ADAM12: variants seen among roughly 807,000 people sequenced by gnomAD.
ADAM12 encodes ADAM metallopeptidase domain 12.
In ADAM12, 70 loss-of-function variants were observed where a neutral mutation model predicts 106.4. The observed-to-expected ratio is 0.66, with a 90% CI of 0.54 to 0.80. ADAM12 has a LOEUF of 0.80. Among genes scored for constraint, ADAM12 ranks in the 30% least tolerant of loss-of-function variants. The pLI, the probability that ADAM12 is intolerant of heterozygous loss-of-function variation, is 0.00. For synonymous variants in ADAM12, 420 were observed against 433.5 expected, an observed-to-expected ratio of 0.97 and a Z score of 0.39; for missense variants, 1,010 against 1,171.9, an observed-to-expected ratio of 0.86 and a Z score of 2.02.
In ADAM12 at chr10:126,243,859, T is replaced by A. The variant is rs540417624; in HGVS notation, c.260+35056A>T. ...TGATTGTCGTGGGATGGCACAGACA[T>A]TGACAACGGGGAATGTGAGGCTTAA... is the stretch of plus-strand genomic sequence containing the variant. On this transcript the variant is annotated intron_variant, in intron 3 of 22. Transcript: ENST00000448723. Among the ~76,000 whole-genome samples, 3 of 152,302 alleles carry A rather than the reference T, an allele frequency of 2.0e-5. No homozygotes were observed. The East Asian group carries it at 5.8e-4, about 29-fold the overall frequency.
At chr10:126,270,123 G>A (rs191352072) in intron 3 of ADAM12, among the ~76,000 whole-genome samples, 9 of 152,280 alleles carry the variant, frequency 5.9e-5, no homozygotes, top group Admixed American at 3.9e-4. Context: ...TTAGATTGCC[G>A]AAGTGCATGT....
chr10:126,375,639 A>G (rs1157402500), intron 1 of ADAM12, among the ~76,000 whole-genome samples: 8 of 151,868 alleles, frequency 5.3e-5, no homozygotes, highest in Admixed American at 5.2e-4. Context: ...TCCTACAACA[A>G]TAGAAGAAAG....
intron 11 of ADAM12, among the ~76,000 whole-genome samples, chr10:126,083,660 C>T (rs913506146): frequency 6.6e-6 from 1 of 152,204 alleles, no homozygotes; most frequent in Admixed American, 6.5e-5. Context: ...TGGGCCAGAT[C>T]GTGCACACCT....
At chr10:126,316,465 T>C (rs1427759954) in intron 2 of ADAM12, among the ~76,000 whole-genome samples, 2 of 152,124 alleles carry the variant, frequency 1.3e-5, no homozygotes, top group African/African-American at 2.4e-5. Flanking sequence ...TTTAGAGCCA[T>C]TCAACTCTAA....
At chr10:126,171,803 A>C (rs777786043) in intron 3 of ADAM12, among the ~76,000 whole-genome samples, 1 of 152,230 alleles carries the variant, frequency 6.6e-6, no homozygotes, top group Non-Finnish European at 1.5e-5. Flanking sequence ...CTTCCTGTAA[A>C]AGGACCCAGC....
intron 2 of ADAM12, among the ~76,000 whole-genome samples, chr10:126,320,298 A>G (rs1028597778): frequency 3.9e-5 from 6 of 152,212 alleles, no homozygotes; most frequent in Non-Finnish European, 7.3e-5. Context: ...GGAGTGTCTT[A>G]AATATATCCA....
intron 10 of ADAM12, among the ~76,000 whole-genome samples, chr10:126,094,751 T>A (rs3781033): frequency 0.17 from 25,646 of 152,072 alleles, 2,868 homozygotes; most frequent in African/African-American, 0.27. Context: ...ACCAGCTATA[T>A]CTTATTCTTG....
At chr10:126,231,586 GTC>G (rs1206137187) in intron 3 of ADAM12, among the ~76,000 whole-genome samples, 1 of 152,108 alleles carries the variant, frequency 6.6e-6, no homozygotes, top group Non-Finnish European at 1.5e-5. Flanking sequence ...CAGGACTCCT[GTC>G]TCTAATAGGG....
intron 1 of ADAM12, among the ~76,000 whole-genome samples, chr10:126,354,034 C>T (rs1382495985): frequency 2.8e-5 from 4 of 144,836 alleles, no homozygotes; most frequent in African/African-American, 1.0e-4. Context: ...TGTTAACAAG[C>T]TTTTTTTTTT....
Position 126,094,866 on chromosome 10 carries a change from G to T in ADAM12, c.997-733C>A, listed in dbSNP as rs936594619. On this transcript the variant is annotated intron_variant, in intron 10 of 22. Coordinates refer to ENST00000448723, the MANE Select transcript of ADAM12 (RefSeq NM_001288973.2). ...AACCTTTTGCTTGGATATGGAAGGC[G>T]GCTTCTCCATTCAACAAGCACTACT... is the stretch of plus-strand genomic sequence containing the variant. 4.6e-5 allele frequency among the ~76,000 whole-genome samples: 7 copies of T among 152,194 alleles called. No individual in the cohort carries two copies. In the South Asian group the frequency reaches 1.5e-3, roughly 32 times the overall value.
At chr10:126,045,909 A>G (rs1470406867) in intron 17 of ADAM12, 146 bp downstream of exon 17, 10 of 673,746 alleles carry the variant, frequency 1.5e-5, no homozygotes, top group Admixed American at 2.6e-5. Context: ...GGTCAAAAGA[A>G]ATGAATACCT....
chr10:126,288,227 G>A (rs1011622349), intron 2 of ADAM12, among the ~76,000 whole-genome samples: 2 of 152,140 alleles, frequency 1.3e-5, no homozygotes, highest in African/African-American at 4.8e-5. Flanking sequence ...GGGAAACCCT[G>A]GACTTTGAAA....
In ADAM12 at chr10:126,226,317, A is replaced by G. The variant is rs545067588; in HGVS notation, c.260+52598T>C. Among the ~76,000 whole-genome samples, 8 of 152,318 alleles carry G rather than the reference A, an allele frequency of 5.3e-5. 1 individual carries two copies. The highest frequency in any genetic ancestry group is 1.7e-4 in the African/African-American group (7 of 41,568). ...AGAATGCACGAGTTCAGGAGCAGGAATAAGAGGAGAAGCCGGGTGGGCATG... is the reference window on the plus strand; with the variant it reads ...AGAATGCACGAGTTCAGGAGCAGGAGTAAGAGGAGAAGCCGGGTGGGCATG... On this transcript the variant is annotated intron_variant, in intron 3 of 22. Coordinates refer to ENST00000448723, the MANE Select transcript of ADAM12 (RefSeq NM_001288973.2).
At chr10:126,326,100 C>T (rs765768747) in intron 2 of ADAM12, among the ~76,000 whole-genome samples, 2 of 152,260 alleles carry the variant, frequency 1.3e-5, no homozygotes, top group East Asian at 3.9e-4. Flanking sequence ...GTAATTTTAC[C>T]TAAATCAGCC....
intron 6 of ADAM12, 114 bp downstream of exon 6, chr10:126,117,924 C>A (rs371145301): frequency 8.2e-7 from 1 of 1,220,042 alleles, no homozygotes; most frequent in Non-Finnish European, 1.2e-6. Flanking sequence ...GCACTTCCAT[C>A]CCCCAGATGC....
intron 14 of ADAM12, among the ~76,000 whole-genome samples, chr10:126,060,177 G>A (rs1954722362): frequency 6.6e-6 from 1 of 152,198 alleles, no homozygotes; most frequent in Non-Finnish European, 1.5e-5. Context: ...AAAGTGTATT[G>A]CTTTGCCAGT....
intron 1 of ADAM12, among the ~76,000 whole-genome samples, chr10:126,369,289 T>C (rs1396035752): frequency 6.6e-6 from 1 of 152,212 alleles, no homozygotes; most frequent in Non-Finnish European, 1.5e-5. Context: ...TGAGCAGCTG[T>C]GATGTGCTAG....
chr10:126,155,830 A>T (rs1956805580), intron 3 of ADAM12, among the ~76,000 whole-genome samples: 1 of 152,174 alleles, frequency 6.6e-6, no homozygotes, highest in Non-Finnish European at 1.5e-5. Flanking sequence ...CACAGAAGAG[A>T]ATAGAACAGC....
intron 5 of ADAM12, among the ~76,000 whole-genome samples, chr10:126,120,004 A>G (rs1306046719): frequency 6.6e-6 from 1 of 152,190 alleles, no homozygotes; most frequent in Non-Finnish European, 1.5e-5. Flanking sequence ...TGTGTCTAGT[A>G]CCTTATGTTA....
Sources: allele counts gnomAD v4.1 joint callset (sites outside exome capture counted in the v4.1 genomes callset), GRCh38; gene constraint gnomAD v4.1.1; transcripts MANE v1.5; gene names NCBI Gene and HGNC (gene_info 2026-07-23, HGNC 2026-07-21).